BPIFC: variants seen among roughly 807,000 people sequenced by gnomAD.
BPIFC encodes BPI fold containing family C.
BPIFC carries 60 observed loss-of-function variants against 57.6 expected under a neutral mutation model. The observed-to-expected ratio is 1.04, with a 90% CI of 0.85 to 1.29. The LOEUF (loss-of-function observed/expected upper bound fraction) is 1.29, where lower values mean the gene tolerates loss of function less well. BPIFC is among the 50% of genes most tolerant of loss of function. The pLI is 0.00. For synonymous variants in BPIFC, 243 were observed against 224.5 expected (o/e 1.08, Z -0.74); for missense variants, 581 against 600.5 (o/e 0.97, Z 0.34).
chr22:32,419,449 C>T (rs1419831706), intron 13 of BPIFC, 45 bp from the exon 14 acceptor site: 1 of 1,553,216 alleles, frequency 6.4e-7, no homozygotes, highest in Non-Finnish European at 8.8e-7. Flanking sequence ...AAACAACAGC[C>T]TTAGTAGAAA....
At chr22:32,443,541 T>C (rs2145946919) in intron 7 of BPIFC, among the ~76,000 whole-genome samples, 1 of 152,350 alleles carries the variant, frequency 6.6e-6, no homozygotes, top group Middle Eastern at 3.4e-3. Context: ...AGATCTATTT[T>C]GTTGCCACCT....
Position 32,442,168 on chromosome 22 carries a change from G to A in BPIFC, c.655+503C>T, listed in dbSNP as rs138023883. On this transcript the variant is annotated intron_variant, in intron 8 of 16. Coordinates refer to ENST00000300399, the MANE Select transcript of BPIFC (RefSeq NM_174932.3). ...GAGAAAACAGCAAAAGCAAAGGCAA[G>A]GGGTGAGGAGGGCAGTGGAAACAGT... Among the ~76,000 whole-genome samples, 284 of 152,326 alleles carry A rather than the reference G, an allele frequency of 1.9e-3. 1 individual carries two copies. The highest frequency in any genetic ancestry group is 3.2e-3 in the Non-Finnish European group (216 of 68,024).
chr22:32,449,773 C>T (rs1347272934), intron 4 of BPIFC, among the ~76,000 whole-genome samples: 3 of 149,314 alleles, frequency 2.0e-5, no homozygotes, highest in African/African-American at 2.5e-5. Flanking sequence ...TTCACTCTGT[C>T]GCCCGGGCTG....
rs372064973 is a variant in BPIFC, at chr22:32,448,449, C to T, written c.246-1109G>A. ...GGTGCATATGCCAGTAGTGTCCCTC[C>T]CCACCTGTCATTGGGACAATCAGAA... On this transcript the variant is annotated intron_variant, in intron 4 of 16. Coordinates refer to ENST00000300399, the MANE Select transcript of BPIFC (RefSeq NM_174932.3). Among the ~76,000 whole-genome samples the T allele has an allele frequency of 1.1e-3, 166 of 152,282 alleles. 5 individuals carry two copies. In the South Asian group the frequency reaches 0.031, roughly 29 times the overall value.
At chr22:32,444,575 AAG>A (rs1463317596) in intron 7 of BPIFC, among the ~76,000 whole-genome samples, 1 of 152,184 alleles carries the variant, frequency 6.6e-6, no homozygotes, top group East Asian at 1.9e-4. Context: ...CATTATTGGA[AAG>A]AGAGTGCATA....
At chr22:32,443,691 G>A (rs548234555) in intron 7 of BPIFC, among the ~76,000 whole-genome samples, 45 of 152,334 alleles carry the variant, frequency 3.0e-4, no homozygotes, top group African/African-American at 9.4e-4. Flanking sequence ...GCCTGGGGCC[G>A]AGGGTTGAAT....
chr22:32,417,704 G>C (rs938348381), intron 14 of BPIFC, among the ~76,000 whole-genome samples: 2 of 152,172 alleles, frequency 1.3e-5, no homozygotes, highest in Non-Finnish European at 2.9e-5. Flanking sequence ...CAGCAAATGT[G>C]GCAGCTCAGG....
intron 1 of BPIFC, among the ~76,000 whole-genome samples, chr22:32,462,244 G>A (rs562995980): frequency 6.8e-6 from 1 of 146,316 alleles, no homozygotes; most frequent in South Asian, 2.2e-4. Flanking sequence ...GCAATGGAAT[G>A]CAATGGGAAA....
chr22:32,450,715 C>T (rs1934873662), intron 4 of BPIFC, among the ~76,000 whole-genome samples: 1 of 151,932 alleles, frequency 6.6e-6, no homozygotes, highest in Admixed American at 6.6e-5. Flanking sequence ...TTTAGCATCC[C>T]AAATCCAAAA....
chr22:32,447,969 A>G (rs1327166721), intron 4 of BPIFC, among the ~76,000 whole-genome samples: 2 of 152,310 alleles, frequency 1.3e-5, no homozygotes, highest in South Asian at 2.1e-4. Flanking sequence ...AAGACAAAAA[A>G]AAGGCACAAC....
chr22:32,441,855 G>A (rs946624247), intron 8 of BPIFC, among the ~76,000 whole-genome samples: 30 of 152,228 alleles, frequency 2.0e-4, no homozygotes, highest in African/African-American at 4.1e-4. Flanking sequence ...GGATGGTTTC[G>A]GGATGAAACT....
chr22:32,433,842 G>A, intron 10 of BPIFC, 70 bp from the exon 11 acceptor site: 1 of 1,310,938 alleles, frequency 7.6e-7, no homozygotes, highest in Non-Finnish European at 1.1e-6. Context: ...AAAATGTAGT[G>A]TTCCCTATAA....
At chr22:32,427,760 G>A (rs886081186) in intron 13 of BPIFC, among the ~76,000 whole-genome samples, 1 of 152,082 alleles carries the variant, frequency 6.6e-6, no homozygotes, top group African/African-American at 2.4e-5. Context: ...AGGCCAAGGT[G>A]GGTTGATCAC....
At chr22:32,459,914 A>G (rs976183129) in intron 2 of BPIFC, among the ~76,000 whole-genome samples, 1 of 152,048 alleles carries the variant, frequency 6.6e-6, no homozygotes, top group Non-Finnish European at 1.5e-5. Context: ...AGATAGAGGG[A>G]GGGGTCAGGC....
rs1389154116 is a variant in BPIFC at position 32,444,192 on chromosome 22, CAG to C, written c.594+1441_594+1442del. ...CAAAAGGACCGTGCCTCGTTTCAAA[CAG>C]GGGAATGATCAAGTTTGGGGTCCTT... On this transcript the variant is annotated intron_variant, in intron 7 of 16. Coordinates refer to ENST00000300399, the MANE Select transcript of BPIFC (RefSeq NM_174932.3). 5.3e-5 allele frequency among the ~76,000 whole-genome samples: 8 copies of C among 152,300 alleles called. No individual in the cohort carries two copies. In the East Asian group the frequency reaches 1.3e-3, roughly 26 times the overall value.
intron 8 of BPIFC, among the ~76,000 whole-genome samples, chr22:32,441,988 C>A (rs1306572864): frequency 6.6e-6 from 1 of 152,208 alleles, no homozygotes; most frequent in African/African-American, 2.4e-5. Flanking sequence ...ACTGATCTGA[C>A]AGGAGGCAGA....
Position 32,424,642 on chromosome 22 carries a change from CTCTTCTTCTTCTTCT to C in BPIFC, c.1218-5253_1218-5239del, listed in dbSNP as rs796330210. ...TCCTCCTCCTCCTCTTCTTCTTCTTCTCTTCTTCTTCTTCTTCTTCTTCTTCTTCTTCTTCTTCTT... is the reference window on the plus strand; with the variant it reads ...TCCTCCTCCTCCTCTTCTTCTTCTTCTCTTCTTCTTCTTCTTCTTCTTCTT... On this transcript the variant is annotated intron_variant, in intron 13 of 16. Coordinates refer to ENST00000300399, the MANE Select transcript of BPIFC (RefSeq NM_174932.3). Among the ~76,000 whole-genome samples, 32 of 28,764 alleles carry C rather than the reference CTCTTCTTCTTCTTCT, an allele frequency of 1.1e-3. 1 individual carries two copies. The highest frequency in any genetic ancestry group is 5.3e-3 in the African/African-American group (18 of 3,374). 18.9% of individuals were successfully genotyped at this position (28,764 alleles called of 152,430 possible).
chr22:32,446,091 G>A, intron 5 of BPIFC, 95 bp from the exon 6 acceptor site: 1 of 1,431,002 alleles, frequency 7.0e-7, no homozygotes, highest in Non-Finnish European at 9.5e-7. Context: ...CTCCTGGACT[G>A]CAGTGACTTT....
intron 3 of BPIFC, among the ~76,000 whole-genome samples, chr22:32,455,943 G>A (rs1468958885): frequency 6.6e-6 from 1 of 152,240 alleles, no homozygotes; most frequent in Non-Finnish European, 1.5e-5. Flanking sequence ...GCCCATGGAT[G>A]ATCCCGTTTG....
Sources: allele counts gnomAD v4.1 joint callset (sites outside exome capture counted in the v4.1 genomes callset), GRCh38; gene constraint gnomAD v4.1.1; transcripts MANE v1.5; gene names NCBI Gene and HGNC (gene_info 2026-07-23, HGNC 2026-07-21).